The following PHACTR3 variants were observed in gnomAD, a reference collection of about 807,000 sequenced individuals.
PHACTR3 encodes protein phosphatase 1, regulatory subunit 123.
In PHACTR3, 16 loss-of-function variants were observed where a neutral mutation model predicts 66.8. That is an observed-to-expected ratio of 0.24 (90% CI 0.16 to 0.36). The LOEUF (loss-of-function observed/expected upper bound fraction) is 0.36, where lower values mean the gene tolerates loss of function less well. PHACTR3 is among the 10% of genes least tolerant of loss of function. The probability of loss-of-function intolerance (pLI) is 1.00; values close to 1 mark genes in which losing one functional copy is unlikely to be tolerated. For synonymous variants in PHACTR3, 323 were observed against 292.1 expected (o/e 1.11, Z -1.08); for missense variants, 647 against 719.9 (o/e 0.90, Z 1.16).
intron 2 of PHACTR3, among the ~76,000 whole-genome samples, chr20:59,744,480 G>A (rs1025422868): frequency 7.2e-5 from 11 of 152,202 alleles, no homozygotes; most frequent in Non-Finnish European, 1.6e-4. Flanking sequence ...GCGAGTGCCC[G>A]TCTCAGGCTG....
At chr20:59,666,556 AAGAGAGACAGAGAC>A (rs2035995425) in intron 1 of PHACTR3, among the ~76,000 whole-genome samples, 3 of 151,372 alleles carry the variant, frequency 2.0e-5, no homozygotes, top group Non-Finnish European at 4.4e-5. Context: ...GAGAGAGACA[AAGAGAGACAGAGAC>A]AGAGAGACAG....
At chr20:59,710,287 TA>T (rs2037866083) in intron 1 of PHACTR3, among the ~76,000 whole-genome samples, 1 of 152,198 alleles carries the variant, frequency 6.6e-6, no homozygotes, top group South Asian at 2.1e-4. Context: ...TCCTGCTTTT[TA>T]TCCCACACCA....
At chr20:59,781,104 C>T (rs1448334318) in intron 7 of PHACTR3, among the ~76,000 whole-genome samples, 5 of 152,228 alleles carry the variant, frequency 3.3e-5, no homozygotes, top group Non-Finnish European at 5.9e-5. Context: ...TTCCTCATTC[C>T]TCGGCCAATT....
At chr20:59,834,008 C>T (rs1047320965) in intron 8 of PHACTR3, among the ~76,000 whole-genome samples, 4 of 152,076 alleles carry the variant, frequency 2.6e-5, no homozygotes, top group African/African-American at 4.8e-5. Flanking sequence ...TTAGCTGGCT[C>T]TCAGAACAAT....
intron 1 of PHACTR3, among the ~76,000 whole-genome samples, chr20:59,635,095 T>TTC (rs201285336): frequency 7.6e-6 from 1 of 131,314 alleles, no homozygotes; most frequent in African/African-American, 3.0e-5. Flanking sequence ...CTTTCTTTCT[T>TTC]TCTCTCTCTT....
intron 1 of PHACTR3, among the ~76,000 whole-genome samples, chr20:59,635,153 CTT>C (rs1490837629): frequency 3.0e-4 from 11 of 36,780 alleles, no homozygotes; most frequent in African/African-American, 7.8e-4. Context: ...CTTTCTTTTT[CTT>C]TCTTTCTTTC....
Position 59,673,076 on chromosome 20 carries a change from G to A in PHACTR3, c.118+67944G>A, listed in dbSNP as rs182853686. ...AGGAGGGTACCTCATCTCCCTCAGC[G>A]TCTCTCTAGTGTGTGAGGCTGTGTA... On this transcript the variant is annotated intron_variant, in intron 1 of 12. Transcript: ENST00000371015. 2.2e-3 allele frequency among the ~76,000 whole-genome samples: 339 copies of A among 152,318 alleles called. 1 individual carries two copies. Among genetic ancestry groups the A allele is most frequent in the African/African-American group, 7.4e-3 (309 of 41,568 alleles).
rs553271902 is a variant in PHACTR3 at position 59,757,313 on chromosome 20, C to T, written c.541+1949C>T. On this transcript the variant is annotated intron_variant, in intron 4 of 12. Coordinates refer to ENST00000371015, the MANE Select transcript of PHACTR3 (RefSeq NM_080672.5). ...CCTCTTCTGACCTCAGACACGCTCC[C>T]GCTCTCTCTCCAGATGCTGGGTGTG... 4.8e-3 allele frequency among the ~76,000 whole-genome samples: 735 copies of T among 152,366 alleles called. 3 individuals are homozygous for T. Among genetic ancestry groups the T allele is most frequent in the African/African-American group, 0.017 (692 of 41,588 alleles).
intron 1 of PHACTR3, among the ~76,000 whole-genome samples, chr20:59,612,102 T>C (rs765308682): frequency 6.6e-6 from 1 of 152,096 alleles, no homozygotes; most frequent in Non-Finnish European, 1.5e-5. Context: ...TATGGGAGGA[T>C]ATGAAATGTC....
intron 1 of PHACTR3, among the ~76,000 whole-genome samples, chr20:59,708,430 T>A (rs2146636781): frequency 2.0e-5 from 3 of 152,302 alleles, no homozygotes; most frequent in Middle Eastern, 6.8e-3. Flanking sequence ...AACCGTGCCC[T>A]GGCTGGGAAA....
At chr20:59,594,217 A>G (rs2033262881) in intron 1 of PHACTR3, among the ~76,000 whole-genome samples, 1 of 151,978 alleles carries the variant, frequency 6.6e-6, no homozygotes, top group African/African-American at 2.4e-5. Context: ...TAGGTATTTT[A>G]TTTTTGGGGG....
intron 7 of PHACTR3, among the ~76,000 whole-genome samples, chr20:59,788,594 T>C (rs752098098): frequency 1.6e-4 from 25 of 152,306 alleles, no homozygotes; most frequent in Non-Finnish European, 3.4e-4. Context: ...TGCTCTCTCT[T>C]GAGGCTCAAC....
chr20:59,615,237 G>C (rs1033440632), intron 1 of PHACTR3, among the ~76,000 whole-genome samples: 6 of 152,178 alleles, frequency 3.9e-5, no homozygotes, highest in Admixed American at 1.3e-4. Flanking sequence ...GTGCTTGGAA[G>C]ACACAGGCAT....
intron 8 of PHACTR3, among the ~76,000 whole-genome samples, chr20:59,812,288 CAGT>C (rs1212127249): frequency 6.6e-6 from 1 of 152,230 alleles, no homozygotes; most frequent in African/African-American, 2.4e-5. Context: ...GATTAATGCT[CAGT>C]AGCATCTTTC....
intron 1 of PHACTR3, among the ~76,000 whole-genome samples, chr20:59,622,418 A>G (rs2034275368): frequency 6.6e-6 from 1 of 152,170 alleles, no homozygotes; most frequent in African/African-American, 2.4e-5. Context: ...CAGATGAGGC[A>G]CGTGACCTTT....
At chr20:59,741,887 T>C (rs902587703) in intron 1 of PHACTR3, among the ~76,000 whole-genome samples, 18 of 152,066 alleles carry the variant, frequency 1.2e-4, no homozygotes, top group Non-Finnish European at 1.8e-4. Context: ...CTCAGCCTCC[T>C]GAGTAGCTGG....
intron 8 of PHACTR3, among the ~76,000 whole-genome samples, chr20:59,826,826 G>C (rs2042205827): frequency 6.6e-6 from 1 of 152,202 alleles, no homozygotes; most frequent in Non-Finnish European, 1.5e-5. Context: ...TTCAAAAGTA[G>C]CATTGGCAGG....
At chr20:59,800,434 C>T (rs540080951) in intron 7 of PHACTR3, among the ~76,000 whole-genome samples, 1 of 152,024 alleles carries the variant, frequency 6.6e-6, no homozygotes, top group Non-Finnish European at 1.5e-5. Flanking sequence ...TATGGAATTC[C>T]GAGTTGTCTG....
rs961160955 is a variant in PHACTR3 at position 59,830,246 on chromosome 20, A to G, written c.1329-6259A>G. Among the ~76,000 whole-genome samples, 181 of 139,846 alleles carry G rather than the reference A, an allele frequency of 1.3e-3. No individual in the cohort carries two copies. The highest frequency in any genetic ancestry group is 5.0e-3 in the African/African-American group (156 of 31,132). The allele number at this position is 139,846 out of a possible 152,430, so 91.7% of individuals were successfully genotyped here. A position where few individuals can be genotyped will look rare whatever the true frequency, so the allele number is the denominator to read the frequency against. ...GCGTGAGTGTCTGATGGAAGAGGGT[A>G]TGAGTGTCTGATAGAAGAGGGTATG... is the stretch of plus-strand genomic sequence containing the variant. On this transcript the variant is annotated intron_variant, in intron 8 of 12. Coordinates refer to ENST00000371015, the MANE Select transcript of PHACTR3 (RefSeq NM_080672.5). This position sits in a 1 kb window ranked among gnomAD's most constrained non-coding sequence, Gnocchi z 5.8.
Sources: gnomAD v4.1 joint callset for allele counts (sites outside exome capture counted in the v4.1 genomes callset) on GRCh38, gnomAD v4.1.1 for gene constraint, Gnocchi (gnomAD v3.1) non-coding constraint, MANE v1.5 for transcripts, NCBI Gene and HGNC (gene_info 2026-07-23, HGNC 2026-07-21) for gene names.